The following DTD1 variants were observed in gnomAD, a reference collection of about 807,000 sequenced individuals.
DTD1 encodes D-tyrosyl-tRNA deacylase 1 homolog.
A neutral mutation model predicts 25.6 loss-of-function variants in DTD1; 13 were observed. The observed-to-expected ratio is 0.51, with a 90% CI of 0.33 to 0.81. The LOEUF is 0.81. DTD1 is among the 30% of genes least tolerant of loss of function. The pLI is 0.02. For synonymous variants in DTD1, 110 were observed against 103.6 expected (o/e 1.06, Z -0.37); for missense variants, 193 against 266.4 (o/e 0.72, Z 1.92).
At chr20:18,703,249 G>A (rs2061112739) in intron 4 of DTD1, among the ~76,000 whole-genome samples, 1 of 152,090 alleles carries the variant, frequency 6.6e-6, no homozygotes, top group Non-Finnish European at 1.5e-5. Context: ...TTTCTATGAG[G>A]ACTATTTACT....
At chr20:18,713,174 C>CT (rs369062364) in intron 4 of DTD1, among the ~76,000 whole-genome samples, 2 of 152,346 alleles carry the variant, frequency 1.3e-5, no homozygotes, top group African/African-American at 4.8e-5. Flanking sequence ...TGAAAGATGC[C>CT]TTTTTTTGTG....
chr20:18,753,271 G>A (rs1252918307), intron 5 of DTD1, among the ~76,000 whole-genome samples: 1 of 152,158 alleles, frequency 6.6e-6, no homozygotes. Flanking sequence ...TAGGGATCAA[G>A]TTATGATTTT....
chr20:18,621,114 C>T lies in DTD1; in HGVS notation c.371-7013C>T, dbSNP rs186848584. ...TGGTCCAGGATTCAATCCAGAATTC[C>T]AAACCGCATTTAGTTGTTGCAGCTC... On this transcript the variant is annotated intron_variant, in intron 3 of 5. Coordinates refer to ENST00000377452, the MANE Select transcript of DTD1 (RefSeq NM_080820.6). 6.0e-4 allele frequency among the ~76,000 whole-genome samples: 91 copies of T among 152,264 alleles called. 1 individual carries two copies. Among genetic ancestry groups the T allele is most frequent in the Middle Eastern group, 3.4e-3 (1 of 294 alleles).
At chr20:18,590,601 G>A (rs1351787326) in intron 1 of DTD1, among the ~76,000 whole-genome samples, 3 of 152,110 alleles carry the variant, frequency 2.0e-5, no homozygotes, top group Non-Finnish European at 2.9e-5. Flanking sequence ...GTCCTGAGTA[G>A]CTGGTCTTAC....
intron 4 of DTD1, among the ~76,000 whole-genome samples, chr20:18,698,875 C>T (rs994289832): frequency 6.6e-6 from 1 of 152,220 alleles, no homozygotes; most frequent in Non-Finnish European, 1.5e-5. Context: ...ACTTTGGCAG[C>T]TCCCAGGTGC....
intron 4 of DTD1, among the ~76,000 whole-genome samples, chr20:18,632,846 T>G (rs1415858637): frequency 3.3e-5 from 5 of 152,024 alleles, no homozygotes; most frequent in Non-Finnish European, 7.4e-5. Context: ...TGTGTGTGTA[T>G]ATGTGATGTG....
At chr20:18,629,295 C>CTTT (rs1568651799) in intron 4 of DTD1, among the ~76,000 whole-genome samples, 1 of 69,870 alleles carries the variant, frequency 1.4e-5, no homozygotes, top group Non-Finnish European at 3.1e-5. Flanking sequence ...CTGTGCTCGG[C>CTTT]CTTTTTTTTT....
intron 4 of DTD1, among the ~76,000 whole-genome samples, chr20:18,719,797 A>G (rs950232643): frequency 2.0e-5 from 3 of 152,226 alleles, no homozygotes; most frequent in Admixed American, 2.0e-4. Context: ...TTCTGTGGCA[A>G]GGCATTTTTA....
intron 4 of DTD1, chr20:18,691,901 C>A (rs891601123): frequency 8.5e-5 from 13 of 152,062 alleles, no homozygotes; most frequent in African/African-American, 3.1e-4. Flanking sequence ...CAGCCTTAGC[C>A]CCTACTGCTT....
chr20:18,695,698 T>A (rs1283316710), intron 4 of DTD1, among the ~76,000 whole-genome samples: 1 of 147,528 alleles, frequency 6.8e-6, no homozygotes, highest in African/African-American at 2.5e-5. Flanking sequence ...TCTGACAGGG[T>A]CTTGTTCTGT....
chr20:18,638,406 A>G (rs1354516454), intron 4 of DTD1, among the ~76,000 whole-genome samples: 1 of 152,210 alleles, frequency 6.6e-6, no homozygotes, highest in African/African-American at 2.4e-5. Context: ...AATTCTGATG[A>G]TATAAAGAAA....
intron 5 of DTD1, among the ~76,000 whole-genome samples, chr20:18,744,636 C>CAA (rs796918448): frequency 1.6e-3 from 18 of 11,324 alleles, no homozygotes; most frequent in South Asian, 0.012. Flanking sequence ...GACTCCATCT[C>CAA]AAAAAAAAAA....
intron 3 of DTD1, among the ~76,000 whole-genome samples, chr20:18,597,017 C>T (rs1289527222): frequency 6.6e-6 from 1 of 152,112 alleles, no homozygotes; most frequent in Admixed American, 6.6e-5. Context: ...TTTATAATGA[C>T]ATGTGTCTAC....
chr20:18,742,898 C>T (rs2061284122), intron 4 of DTD1, among the ~76,000 whole-genome samples: 1 of 152,154 alleles, frequency 6.6e-6, no homozygotes, highest in African/African-American at 2.4e-5. Flanking sequence ...GAGAAGCCAG[C>T]CCTTCAATAA....
intron 4 of DTD1, among the ~76,000 whole-genome samples, chr20:18,703,232 T>C (rs568787054): frequency 5.3e-4 from 80 of 152,328 alleles, no homozygotes; most frequent in Middle Eastern, 3.4e-3. Flanking sequence ...TGGTTCTGCT[T>C]CTGGTGTTTC....
chr20:18,652,352 C>T (rs6075386), intron 4 of DTD1, among the ~76,000 whole-genome samples: 47,413 of 152,194 alleles, frequency 0.31, 8,189 homozygotes, highest in South Asian at 0.43. Context: ...ATTCAGTTTA[C>T]AATCTTTAAT....
chr20:18,629,561 C>G (rs2060775086), intron 4 of DTD1, among the ~76,000 whole-genome samples: 1 of 151,988 alleles, frequency 6.6e-6, no homozygotes. Context: ...CCTCAGCCTC[C>G]CAAAGTGCTG....
chr20:18,607,492 G>A (rs1022823281), intron 3 of DTD1, among the ~76,000 whole-genome samples: 11 of 151,994 alleles, frequency 7.2e-5, no homozygotes, highest in African/African-American at 2.7e-4. Flanking sequence ...CGGTATTAGG[G>A]TAGATTCTGG....
At chr20:18,705,216 A>G (rs2061121470) in intron 4 of DTD1, among the ~76,000 whole-genome samples, 1 of 152,202 alleles carries the variant, frequency 6.6e-6, no homozygotes, top group Admixed American at 6.5e-5. Flanking sequence ...GTTTAAAAAC[A>G]TAAAATTTTG....
Sources: allele counts gnomAD v4.1 joint callset (sites outside exome capture counted in the v4.1 genomes callset), GRCh38; gene constraint gnomAD v4.1.1; transcripts MANE v1.5; gene names NCBI Gene and HGNC (gene_info 2026-07-23, HGNC 2026-07-21).